NPAS3: variants seen among roughly 807,000 people sequenced by gnomAD.
The protein encoded by NPAS3 is neuronal PAS domain protein 3, also known as neuronal PAS domain-containing protein 3.
NPAS3 carries 14 observed loss-of-function variants against 73.1 expected under a neutral mutation model. The observed-to-expected ratio is 0.19, with a 90% CI of 0.13 to 0.30. The LOEUF (loss-of-function observed/expected upper bound fraction) is 0.30. Among genes scored for constraint, NPAS3 ranks in the 10% least tolerant of loss-of-function variants. The pLI, the probability that NPAS3 is intolerant of heterozygous loss-of-function variation, is 1.00. For synonymous variants in NPAS3, 620 were observed against 541.5 expected (o/e 1.14, Z -2.01); for missense variants, 1,096 against 1,250.0 (o/e 0.88, Z 1.86).
chr14:33,508,787 T>A (rs561554856), intron 4 of NPAS3, among the ~76,000 whole-genome samples: 1 of 152,116 alleles, frequency 6.6e-6, no homozygotes, highest in South Asian at 2.1e-4. Context: ...TTAACTGTGG[T>A]ATAGCTGAGA....
intron 4 of NPAS3, among the ~76,000 whole-genome samples, chr14:33,554,668 C>T (rs1243023274): frequency 6.6e-6 from 1 of 152,026 alleles, no homozygotes; most frequent in Non-Finnish European, 1.5e-5. Context: ...ACTGGAATGT[C>T]AAAGAAAGAA....
At chr14:33,345,528 C>G (rs1035427225) in intron 3 of NPAS3, among the ~76,000 whole-genome samples, 3 of 152,174 alleles carry the variant, frequency 2.0e-5, no homozygotes, top group African/African-American at 7.2e-5. Context: ...AAGAAGTATT[C>G]TAGGTCAGGA....
At chr14:33,209,929 G>A (rs2046968971) in intron 2 of NPAS3, among the ~76,000 whole-genome samples, 1 of 151,674 alleles carries the variant, frequency 6.6e-6, no homozygotes, top group Non-Finnish European at 1.5e-5. Flanking sequence ...TGTCAATAAG[G>A]TCAGTATCTG....
At chr14:33,752,246 A>AC (rs1384402535) in intron 7 of NPAS3, among the ~76,000 whole-genome samples, 4 of 151,600 alleles carry the variant, frequency 2.6e-5, no homozygotes. Flanking sequence ...ATTTTATTTT[A>AC]TTTTTTTTCT....
intron 1 of NPAS3, among the ~76,000 whole-genome samples, chr14:32,966,978 G>A (rs1217711468): frequency 6.6e-6 from 1 of 152,122 alleles, no homozygotes; most frequent in Non-Finnish European, 1.5e-5. Context: ...AATCGACAGA[G>A]TGAAGAGACA....
chr14:33,430,983 TAC>T (rs1303826348), intron 4 of NPAS3, among the ~76,000 whole-genome samples: 1 of 152,116 alleles, frequency 6.6e-6, no homozygotes. Flanking sequence ...TATCCTCACA[TAC>T]ATATCCGAAG....
intron 3 of NPAS3, among the ~76,000 whole-genome samples, chr14:33,286,817 G>A (rs1594602309): frequency 1.3e-5 from 2 of 152,114 alleles, no homozygotes; most frequent in Non-Finnish European, 2.9e-5. Context: ...TTTTCCCACT[G>A]TGAAGAAGAT....
At chr14:33,055,450 G>C (rs2040855615) in intron 1 of NPAS3, among the ~76,000 whole-genome samples, 1 of 152,168 alleles carries the variant, frequency 6.6e-6, no homozygotes, top group African/African-American at 2.4e-5. Flanking sequence ...AAATTGAATA[G>C]AGCTGAAAAA....
chr14:33,498,931 A>AGTGTGTGTGTGTGTGTGT (rs768888278), intron 4 of NPAS3, among the ~76,000 whole-genome samples: 2 of 119,296 alleles, frequency 1.7e-5, no homozygotes, highest in Admixed American at 8.5e-5. Context: ...AGAGACAGAG[A>AGTGTGTGTGTGTGTGTGT]GAGAGTGTGT....
intron 4 of NPAS3, among the ~76,000 whole-genome samples, chr14:33,378,939 T>C (rs12890195): frequency 0.15 from 23,568 of 152,148 alleles, 2,278 homozygotes; most frequent in East Asian, 0.36. Flanking sequence ...AATCTGAAAA[T>C]CCAAAATCCG....
At chr14:33,584,121 A>T (rs1385622136) in intron 5 of NPAS3, among the ~76,000 whole-genome samples, 2 of 152,236 alleles carry the variant, frequency 1.3e-5, no homozygotes, top group Admixed American at 6.5e-5. Flanking sequence ...TGTCGTAGAC[A>T]TCTTGGAATA....
chr14:33,260,560 G>A (rs1191710766), intron 3 of NPAS3, among the ~76,000 whole-genome samples: 2 of 151,794 alleles, frequency 1.3e-5, no homozygotes, highest in South Asian at 2.1e-4. Flanking sequence ...CAATCACCTG[G>A]GCTTGAAATT....
intron 4 of NPAS3, among the ~76,000 whole-genome samples, chr14:33,381,579 G>C (rs1449726861): frequency 6.6e-6 from 1 of 152,146 alleles, no homozygotes; most frequent in Non-Finnish European, 1.5e-5. Flanking sequence ...ATTTGCTTAA[G>C]GTCCCATGGC....
intron 4 of NPAS3, among the ~76,000 whole-genome samples, chr14:33,509,728 T>G (rs2052947087): frequency 6.6e-6 from 1 of 152,018 alleles, no homozygotes; most frequent in African/African-American, 2.4e-5. Flanking sequence ...GCAAGATCAC[T>G]GAACTAATGT....
intron 4 of NPAS3, among the ~76,000 whole-genome samples, chr14:33,393,431 T>C (rs1448302599): frequency 1.3e-5 from 2 of 152,178 alleles, no homozygotes; most frequent in Non-Finnish European, 2.9e-5. Context: ...ACTTCATGCA[T>C]GTTTCCTTGG....
At chr14:33,238,053 G>GA (rs1470671639) in intron 3 of NPAS3, among the ~76,000 whole-genome samples, 1 of 151,854 alleles carries the variant, frequency 6.6e-6, no homozygotes, top group African/African-American at 2.4e-5. Flanking sequence ...GATTGGCTCA[G>GA]AAAAAATGAA....
chr14:33,565,071 A>G lies in NPAS3; in HGVS notation c.558+4861A>G, dbSNP rs1268257895. ...AAGGTAGCTGCAGACAAGGTTACAA[A>G]TTGGCTTGATTCAAGGCAGCTTGCT... On this transcript the variant is annotated intron_variant, in intron 5 of 11. Transcript: ENST00000356141. Among the ~76,000 whole-genome samples the G allele has an allele frequency of 2.6e-5, 4 of 152,176 alleles. No homozygotes were observed. The East Asian group carries it at 7.7e-4, about 29-fold the overall frequency.
chr14:33,006,032 C>T (rs1167971757), intron 1 of NPAS3, among the ~76,000 whole-genome samples: 2 of 152,146 alleles, frequency 1.3e-5, no homozygotes, highest in East Asian at 3.9e-4. Context: ...ACATTGACCT[C>T]AGCCTCCTCC....
intron 2 of NPAS3, among the ~76,000 whole-genome samples, chr14:33,136,948 T>C (rs2043864481): frequency 6.6e-6 from 1 of 152,226 alleles, no homozygotes; most frequent in Non-Finnish European, 1.5e-5. Context: ...GAAATTTCAC[T>C]TTATTTTTCT....
Sources: gnomAD v4.1 joint callset for allele counts (sites outside exome capture counted in the v4.1 genomes callset) on GRCh38, gnomAD v4.1.1 for gene constraint, MANE v1.5 for transcripts, NCBI Gene and HGNC (gene_info 2026-07-23, HGNC 2026-07-21) for gene names.